Variants in SGCZ observed in about 807,000 individuals in gnomAD.
The protein encoded by SGCZ is sarcoglycan zeta, also known as zeta-sarcoglycan.
A neutral mutation model predicts 41.3 loss-of-function variants in SGCZ; 40 were observed. That is an observed-to-expected ratio of 0.97 (90% CI 0.75 to 1.26). SGCZ has a LOEUF of 1.26. Among genes scored for constraint, SGCZ ranks in the 50% most tolerant of loss-of-function variants. The pLI is 0.00. For synonymous variants in SGCZ, 206 were observed against 137.5 expected (o/e 1.50, Z -3.49); for missense variants, 552 against 369.8 (o/e 1.49, Z -4.04).
intron 1 of SGCZ, among the ~76,000 whole-genome samples, chr8:14,568,554 C>T (rs533168136): frequency 1.3e-5 from 2 of 150,634 alleles, no homozygotes; most frequent in South Asian, 2.1e-4. Context: ...TTTGTGTTAG[C>T]TCACCATAGG....
chr8:14,973,536 C>G (rs183810323), intron 1 of SGCZ, among the ~76,000 whole-genome samples: 1 of 152,078 alleles, frequency 6.6e-6, no homozygotes, highest in Non-Finnish European at 1.5e-5. Context: ...TTGACACTAC[C>G]GTAATGAATA....
intron 2 of SGCZ, among the ~76,000 whole-genome samples, chr8:14,436,074 G>A (rs74829955): frequency 0.032 from 4,803 of 152,286 alleles, 171 homozygotes; most frequent in African/African-American, 0.084. Context: ...GAGATGTGGC[G>A]TTGGATAGAG....
chr8:14,473,375 T>TCACA (rs1243616357), intron 2 of SGCZ, among the ~76,000 whole-genome samples: 1 of 152,202 alleles, frequency 6.6e-6, no homozygotes, highest in Non-Finnish European at 1.5e-5. Flanking sequence ...TTCTTTAATT[T>TCACA]TGTTATCACA....
At chr8:14,965,809 A>G (rs1356298539) in intron 1 of SGCZ, among the ~76,000 whole-genome samples, 2 of 152,170 alleles carry the variant, frequency 1.3e-5, no homozygotes, top group Non-Finnish European at 2.9e-5. Flanking sequence ...TAGTAAGTAC[A>G]TATCTTTCAA....
chr8:14,613,693 T>C (rs922012020), intron 1 of SGCZ, among the ~76,000 whole-genome samples: 3 of 152,104 alleles, frequency 2.0e-5, no homozygotes, highest in Non-Finnish European at 4.4e-5. Flanking sequence ...GCATCATTTT[T>C]AATATACTGG....
chr8:14,271,828 A>C (rs1275795104), intron 3 of SGCZ, among the ~76,000 whole-genome samples: 1 of 152,140 alleles, frequency 6.6e-6, no homozygotes, highest in African/African-American at 2.4e-5. Flanking sequence ...ACAACTGAAC[A>C]ATTGCTGTTA....
intron 1 of SGCZ, among the ~76,000 whole-genome samples, chr8:14,694,854 T>A (rs572846754): frequency 6.6e-6 from 1 of 152,302 alleles, no homozygotes; most frequent in South Asian, 2.1e-4. Flanking sequence ...CTATAGAACA[T>A]TCAGTAGTTT....
chr8:14,539,896 G>C (rs752029478), intron 2 of SGCZ, among the ~76,000 whole-genome samples: 1 of 151,930 alleles, frequency 6.6e-6, no homozygotes, highest in African/African-American at 2.4e-5. Context: ...TTGTTGGCTT[G>C]TTTGCTTTAA....
At chr8:14,333,654 A>G (rs887729191) in intron 2 of SGCZ, among the ~76,000 whole-genome samples, 1 of 152,178 alleles carries the variant, frequency 6.6e-6, no homozygotes, top group Non-Finnish European at 1.5e-5. Context: ...TGTGTCTAAT[A>G]CAGAGGTCTC....
At chr8:14,160,878 C>G (rs999235547) in intron 5 of SGCZ, among the ~76,000 whole-genome samples, 1 of 152,168 alleles carries the variant, frequency 6.6e-6, no homozygotes, top group African/African-American at 2.4e-5. Context: ...CATCCCTTGT[C>G]TAAATGAATC....
At chr8:14,878,659 G>C (rs1027194152) in intron 1 of SGCZ, among the ~76,000 whole-genome samples, 4 of 152,154 alleles carry the variant, frequency 2.6e-5, no homozygotes, top group Non-Finnish European at 5.9e-5. Context: ...GCTATGTCAA[G>C]ATCTATAAGA....
rs538160713 is a variant in SGCZ, at chr8:14,763,631, C to T, written c.40-208705G>A. On this transcript the variant is annotated intron_variant, in intron 1 of 7. Coordinates refer to ENST00000382080, the MANE Select transcript of SGCZ (RefSeq NM_139167.4). ...AAGTTTACGTAATGATCATGTAAGTCTACAAAACATTAGTGAGCCCCTGGA... is the reference window on the plus strand; with the variant it reads ...AAGTTTACGTAATGATCATGTAAGTTTACAAAACATTAGTGAGCCCCTGGA... Among the ~76,000 whole-genome samples the T allele has an allele frequency of 9.9e-5, 15 of 152,152 alleles. 1 individual carries two copies. Among genetic ancestry groups the T allele is most frequent in the African/African-American group, 3.6e-4 (15 of 41,494 alleles).
At chr8:14,926,580 A>G (rs959008405) in intron 1 of SGCZ, among the ~76,000 whole-genome samples, 3 of 151,702 alleles carry the variant, frequency 2.0e-5, no homozygotes, top group Non-Finnish European at 2.9e-5. Context: ...TTGGGGAAAT[A>G]TATTTCTTGG....
chr8:14,239,752 A>G (rs1798793337), intron 3 of SGCZ, among the ~76,000 whole-genome samples: 1 of 150,802 alleles, frequency 6.6e-6, no homozygotes, highest in Admixed American at 6.6e-5. Context: ...AATACAAAAA[A>G]TTAGCCGGGC....
chr8:14,864,262 A>C (rs1414469157), intron 1 of SGCZ, among the ~76,000 whole-genome samples: 1 of 151,912 alleles, frequency 6.6e-6, no homozygotes, highest in Non-Finnish European at 1.5e-5. Flanking sequence ...TTTCTATTTC[A>C]TCCTGTGTTC....
At chr8:14,863,480 A>G (rs1803822911) in intron 1 of SGCZ, among the ~76,000 whole-genome samples, 1 of 152,032 alleles carries the variant, frequency 6.6e-6, no homozygotes, top group African/African-American at 2.4e-5. Flanking sequence ...ACTCACCACT[A>G]TGATCAGCTA....
chr8:14,610,443 T>G (rs1380128157), intron 1 of SGCZ, among the ~76,000 whole-genome samples: 1 of 152,186 alleles, frequency 6.6e-6, no homozygotes, highest in East Asian at 1.9e-4. Context: ...TTTCCTCAAT[T>G]GCCTCCTTTA....
At chr8:14,694,020 G>C (rs1808883319) in intron 1 of SGCZ, among the ~76,000 whole-genome samples, 1 of 152,118 alleles carries the variant, frequency 6.6e-6, no homozygotes, top group East Asian at 1.9e-4. Flanking sequence ...ACTGTTGCCT[G>C]GCTGATAGCA....
intron 5 of SGCZ, among the ~76,000 whole-genome samples, chr8:14,137,558 C>G (rs1036966519): frequency 4.0e-5 from 6 of 151,732 alleles, no homozygotes; most frequent in Non-Finnish European, 7.4e-5. Flanking sequence ...ATGATTCAAT[C>G]AAGTGGAAAA....
Sources: allele counts gnomAD v4.1 joint callset (sites outside exome capture counted in the v4.1 genomes callset), GRCh38; gene constraint gnomAD v4.1.1; transcripts MANE v1.5; gene names NCBI Gene and HGNC (gene_info 2026-07-23, HGNC 2026-07-21).